The following SLC35F1 variants were observed in gnomAD, a reference collection of about 807,000 sequenced individuals.
The protein encoded by SLC35F1 is chromosome 6 open reading frame 169.
Under a neutral mutation model 48.7 loss-of-function variants are expected in SLC35F1, and 14 were observed. That is an observed-to-expected ratio of 0.29 (90% confidence interval 0.19 to 0.45). SLC35F1 has a LOEUF of 0.45. Among genes scored for constraint, SLC35F1 ranks in the 20% least tolerant of loss-of-function variants. The pLI is 1.00. For missense variants in SLC35F1, 404 were observed against 500.0 expected, an observed-to-expected ratio of 0.81 and a Z score of 1.83; for synonymous variants, 190 against 202.2, an observed-to-expected ratio of 0.94 and a Z score of 0.51.
intron 1 of SLC35F1, among the ~76,000 whole-genome samples, chr6:118,082,945 C>T (rs888873372): frequency 3.3e-5 from 5 of 152,246 alleles, no homozygotes; most frequent in South Asian, 2.1e-4. Context: ...CACTCACCCC[C>T]GCCCCCAGCA....
chr6:118,116,070 C>A (rs1285991707), intron 1 of SLC35F1, among the ~76,000 whole-genome samples: 1 of 152,158 alleles, frequency 6.6e-6, no homozygotes, highest in African/African-American at 2.4e-5. Flanking sequence ...GAGAGACAAA[C>A]TTGGTGCCTT....
At chr6:118,309,352 A>G (rs1459428010) in intron 7 of SLC35F1, among the ~76,000 whole-genome samples, 6 of 152,106 alleles carry the variant, frequency 3.9e-5, no homozygotes, top group Non-Finnish European at 7.4e-5. Context: ...GGAGCCTTTA[A>G]AAGCTGTATT....
At chr6:118,112,074 CTTTA>C (rs1469878487) in intron 1 of SLC35F1, among the ~76,000 whole-genome samples, 14 of 143,302 alleles carry the variant, frequency 9.8e-5, no homozygotes, top group South Asian at 2.2e-4. Context: ...CTTTCTTTTT[CTTTA>C]TTTCTTTCTT....
At chr6:117,926,131 C>T (rs1017060276) in intron 1 of SLC35F1, among the ~76,000 whole-genome samples, 15 of 152,092 alleles carry the variant, frequency 9.9e-5, no homozygotes, top group Non-Finnish European at 1.8e-4. Flanking sequence ...GAATTGTAAT[C>T]CCTATAATCC....
At chr6:118,024,865 G>A (rs1192413778) in intron 1 of SLC35F1, among the ~76,000 whole-genome samples, 1 of 152,066 alleles carries the variant, frequency 6.6e-6, no homozygotes, top group Non-Finnish European at 1.5e-5. Flanking sequence ...TCATATAACT[G>A]AAATCAATAT....
chr6:118,256,971 A>T (rs940828480), intron 3 of SLC35F1, among the ~76,000 whole-genome samples: 2 of 152,158 alleles, frequency 1.3e-5, no homozygotes, highest in African/African-American at 4.8e-5. Flanking sequence ...CCATCCAGAA[A>T]TTTTTATGCC....
chr6:118,074,901 A>G (rs112440916), intron 1 of SLC35F1, among the ~76,000 whole-genome samples: 2,216 of 152,246 alleles, frequency 0.015, 62 homozygotes, highest in African/African-American at 0.05. Flanking sequence ...TCCTTGGACT[A>G]CCAAAGTGCT....
chr6:118,148,333 A>C (rs1407840935), intron 1 of SLC35F1, among the ~76,000 whole-genome samples: 1 of 152,264 alleles, frequency 6.6e-6, no homozygotes, highest in Non-Finnish European at 1.5e-5. Flanking sequence ...CTTTTAAAAG[A>C]ATGTATTCTT....
At chr6:118,072,795 C>T (rs1772755962) in intron 1 of SLC35F1, among the ~76,000 whole-genome samples, 1 of 151,994 alleles carries the variant, frequency 6.6e-6, no homozygotes, top group Admixed American at 6.5e-5. Flanking sequence ...GTGCAAAGTT[C>T]ACTGATTCAT....
intron 1 of SLC35F1, among the ~76,000 whole-genome samples, chr6:117,912,120 A>G (rs1314881077): frequency 6.6e-6 from 1 of 152,220 alleles, no homozygotes. Context: ...GTCTCAAATT[A>G]TAAAGGGGTT....
intron 2 of SLC35F1, among the ~76,000 whole-genome samples, chr6:118,227,904 T>G (rs949918766): frequency 1.3e-5 from 2 of 152,184 alleles, no homozygotes; most frequent in African/African-American, 4.8e-5. Context: ...TTTCTTCTCT[T>G]GTCTTTCTTT....
intron 3 of SLC35F1, among the ~76,000 whole-genome samples, chr6:118,240,662 C>T (rs551803787): frequency 4.7e-4 from 71 of 152,240 alleles, no homozygotes; most frequent in African/African-American, 1.6e-3. Context: ...TCTCTGGGAA[C>T]GTTTGTCAAA....
chr6:118,213,989 T>C (rs1332773843), intron 2 of SLC35F1, among the ~76,000 whole-genome samples: 2 of 152,236 alleles, frequency 1.3e-5, no homozygotes, highest in Non-Finnish European at 2.9e-5. Flanking sequence ...CAAAAAATTA[T>C]TAAAATTACC....
intron 1 of SLC35F1, among the ~76,000 whole-genome samples, chr6:118,017,763 G>A (rs1777341381): frequency 6.6e-6 from 1 of 152,174 alleles, no homozygotes; most frequent in African/African-American, 2.4e-5. Context: ...ATAAGAGAGA[G>A]ACTGGACTGT....
At position 118,288,010 on chromosome 6, in the gene SLC35F1, G is replaced by GTTTT. The variant is rs752463150; in HGVS notation, c.1002+2672_1002+2673insTTTT. ...TTTTATTTCATACAGCAATGATTTG[G>GTTTT]GTTTTTTTTTTTTTTGGTATGGCAA... On this transcript the variant is annotated intron_variant, in intron 7 of 7. Transcript: ENST00000360388. Among the ~76,000 whole-genome samples the GTTTT allele has an allele frequency of 5.1e-3, 381 of 74,766 alleles. 1 individual carries two copies. The highest frequency in any genetic ancestry group is 0.014 in the Middle Eastern group (2 of 142). 49.0% of individuals were successfully genotyped at this position (74,766 alleles called of 152,430 possible). A position where few individuals can be genotyped will look rare whatever the true frequency, so the allele number is the denominator to read the frequency against.
At chr6:117,971,626 C>CTAAG (rs1776639990) in intron 1 of SLC35F1, among the ~76,000 whole-genome samples, 1 of 152,272 alleles carries the variant, frequency 6.6e-6, no homozygotes, top group Non-Finnish European at 1.5e-5. Context: ...CCTCTGAAAT[C>CTAAG]TAAGTGAAGG....
At chr6:117,946,839 A>G (rs1776301564) in intron 1 of SLC35F1, among the ~76,000 whole-genome samples, 1 of 152,214 alleles carries the variant, frequency 6.6e-6, no homozygotes, top group Admixed American at 6.5e-5. Flanking sequence ...TTTTATTTTC[A>G]AAAAGCAGTC....
At chr6:118,109,653 G>GA (rs71554890) in intron 1 of SLC35F1, among the ~76,000 whole-genome samples, 33,166 of 147,050 alleles carry the variant, frequency 0.23, 4,097 homozygotes, top group East Asian at 0.4. Context: ...ACATTTGCTG[G>GA]AAAAAAAAAA....
chr6:118,076,156 T>C (rs1772814617), intron 1 of SLC35F1, among the ~76,000 whole-genome samples: 1 of 152,248 alleles, frequency 6.6e-6, no homozygotes, highest in African/African-American at 2.4e-5. Context: ...TTCTGCTTCA[T>C]AGTATGAGCT....
Sources: allele counts gnomAD v4.1 joint callset (sites outside exome capture counted in the v4.1 genomes callset), GRCh38; gene constraint gnomAD v4.1.1; transcripts MANE v1.5; gene names NCBI Gene and HGNC (gene_info 2026-07-23, HGNC 2026-07-21).